FAM163A: variants seen among roughly 807,000 people sequenced by gnomAD.
FAM163A encodes protein FAM163A.
FAM163A carries 7 observed loss-of-function variants against 12.0 expected under a neutral mutation model. That is an observed-to-expected ratio of 0.58 (90% CI 0.33 to 1.10). The LOEUF (loss-of-function observed/expected upper bound fraction) is 1.10. Ranked by LOEUF, FAM163A falls within the 50% of genes least tolerant of loss-of-function variation. The pLI is 0.03. For synonymous variants in FAM163A, 101 were observed against 91.0 expected (o/e 1.11, Z -0.62); for missense variants, 202 against 218.6 (o/e 0.92, Z 0.48).
chr1:179,740,101 T>C (rs1358068716), upstream of FAM163A, among the ~76,000 whole-genome samples: 1 of 152,200 alleles, frequency 6.6e-6, no homozygotes, highest in East Asian at 1.9e-4. Flanking sequence ...TGGGCATTTA[T>C]CCCAGAGATA....
Position 179,813,891 on chromosome 1 carries a change from C to G in FAM163A, c.206C>G (p.Ala69Gly). 1 of 1,613,954 alleles carries G rather than the reference C, an allele frequency of 6.2e-7. No homozygotes were observed. Among genetic ancestry groups the G allele is most frequent in the South Asian group, 1.1e-5 (1 of 91,086 alleles). The change falls in exon 5 of 5, where the codon GCC becomes GGC. Residue 69 changes from alanine (A) to glycine (G), a missense_variant. Ala to Gly is a moderately conservative substitution (Grantham distance 60, BLOSUM62 0). Coordinates refer to ENST00000341785, the MANE Select transcript of FAM163A (RefSeq NM_173509.3). ...ACCTGCAATGCCTGCAGCTCCCAAG[C>G]CCTGGACGGCAGAGGCAGCCTGGCG... ...GPTCNACSSQ[A>G]LDGRGSLAPL... is the part of the protein sequence containing the mutation.
At position 179,815,095 on chromosome 1, in the gene FAM163A, ACG is replaced by A. The variant is rs3075114; in HGVS notation, c.*920_*921del. On this transcript the variant is annotated 3_prime_UTR_variant, in exon 5 of 5. Coordinates refer to ENST00000341785, the MANE Select transcript of FAM163A (RefSeq NM_173509.3). Reference sequence around the variant, plus strand: ...TGCATAACCGTTCCCAGGTGTACGCACGCGCGCGCGCGCGCACAGACACACAC... The same window carrying A: ...TGCATAACCGTTCCCAGGTGTACGCACGCGCGCGCGCGCACAGACACACAC... The A allele has an allele frequency of 0.05, 6,436 of 128,940 alleles. 192 individuals are homozygous for A. Among genetic ancestry groups the A allele is most frequent in the African/African-American group, 0.089 (2,456 of 27,528 alleles). The allele number at this position is 128,940 out of a possible 1,614,324, so 8.0% of individuals were successfully genotyped here.
chr1:179,736,556 T>C, the FAM163A span, among the ~76,000 whole-genome samples: 1 of 152,082 alleles, frequency 6.6e-6, no homozygotes, highest in Non-Finnish European at 1.5e-5. Context: ...ACTCCTGTAA[T>C]CCCAGCACTT....
chr1:179,773,369 A>C (rs1309962370), intron 1 of FAM163A, among the ~76,000 whole-genome samples: 3 of 152,184 alleles, frequency 2.0e-5, no homozygotes, highest in Non-Finnish European at 4.4e-5. Context: ...GCACACATGC[A>C]TATGTTCATG....
intron 1 of FAM163A, among the ~76,000 whole-genome samples, chr1:179,795,211 A>T (rs1214382546): frequency 6.6e-6 from 1 of 152,164 alleles, no homozygotes; most frequent in Non-Finnish European, 1.5e-5. Context: ...CATGCCTATA[A>T]CCCCAGCTAT....
chr1:179,813,847 C>T lies in FAM163A; in HGVS notation c.162C>T (p.Pro54=). 1 of 1,613,998 alleles carries T rather than the reference C, an allele frequency of 6.2e-7. No homozygotes were observed. Among genetic ancestry groups the T allele is most frequent in the African/African-American group, 1.3e-5 (1 of 75,050 alleles). ...DEEEEREHDL[P]THPRGPTCNA... The stretch of plus-strand genomic sequence containing the variant: ...AGGAGGAGCGGGAGCACGACCTTCC[C>T]ACGCATCCCAGAGGCCCCACCTGCA... Residue 54 remains proline (P), a synonymous_variant, in exon 5 of 5, where the codon CCC becomes CCT. Transcript: ENST00000341785.
At chr1:179,765,078 C>A (rs1031145975) in intron 1 of FAM163A, among the ~76,000 whole-genome samples, 3 of 152,200 alleles carry the variant, frequency 2.0e-5, no homozygotes, top group African/African-American at 7.2e-5. Flanking sequence ...AAATGCACTC[C>A]ACACGTTGTA....
intron 1 of FAM163A, among the ~76,000 whole-genome samples, chr1:179,766,752 TC>T (rs1001346285): frequency 1.4e-4 from 20 of 145,314 alleles, no homozygotes; most frequent in African/African-American, 4.9e-4. Flanking sequence ...TACTTTTCTT[TC>T]TTTTTTTTTT....
At chr1:179,756,527 C>A (rs1030501589) in intron 1 of FAM163A, among the ~76,000 whole-genome samples, 1 of 152,114 alleles carries the variant, frequency 6.6e-6, no homozygotes, top group Admixed American at 6.5e-5. Context: ...GGGGAAAGAG[C>A]AGGTAAATGC....
At chr1:179,782,873 C>T (rs1689988458) in intron 1 of FAM163A, among the ~76,000 whole-genome samples, 1 of 152,232 alleles carries the variant, frequency 6.6e-6, no homozygotes, top group South Asian at 2.1e-4. Context: ...TTTCTTCAAA[C>T]CGTGGTCACA....
At chr1:179,774,465 C>A (rs1211752086) in intron 1 of FAM163A, among the ~76,000 whole-genome samples, 2 of 152,156 alleles carry the variant, frequency 1.3e-5, no homozygotes, top group African/African-American at 4.8e-5. Context: ...GTGCTTTTTT[C>A]TCCGGGAAGA....
intron 1 of FAM163A, among the ~76,000 whole-genome samples, chr1:179,761,476 T>G (rs992299299): frequency 1.4e-4 from 22 of 152,176 alleles, no homozygotes; most frequent in Admixed American, 1.2e-3. Context: ...GTCCCGAAGA[T>G]GACAGGAGCC....
intron 1 of FAM163A, among the ~76,000 whole-genome samples, chr1:179,774,750 C>CA (rs958365232): frequency 1.3e-5 from 2 of 152,192 alleles, no homozygotes; most frequent in Non-Finnish European, 2.9e-5. Context: ...ACGGCCAGGA[C>CA]AGCCTGTTTC....
At chr1:179,801,817 G>T (rs1006932444) in intron 1 of FAM163A, among the ~76,000 whole-genome samples, 5 of 152,192 alleles carry the variant, frequency 3.3e-5, no homozygotes, top group African/African-American at 1.2e-4. Flanking sequence ...TCCAGAATGT[G>T]CAGATACCAG....
At chr1:179,752,476 C>G (rs899601542) in intron 1 of FAM163A, among the ~76,000 whole-genome samples, 31 of 127,988 alleles carry the variant, frequency 2.4e-4, no homozygotes, top group African/African-American at 8.9e-4. Flanking sequence ...TTTGTACAGC[C>G]AAAAAAAAAA....
rs189690579 is a variant in FAM163A at position 179,757,020 on chromosome 1, A to G, written c.-136+13597A>G. On this transcript the variant is annotated intron_variant, in intron 1 of 4. Transcript: ENST00000341785. Reference sequence around the variant, plus strand: ...AAGTAGAGACAGCAAGTTTACGCAAACATTAGAGAAATGTTGCTGTGATTG... The same window carrying G: ...AAGTAGAGACAGCAAGTTTACGCAAGCATTAGAGAAATGTTGCTGTGATTG... 2.6e-5 allele frequency among the ~76,000 whole-genome samples: 4 copies of G among 152,354 alleles called. No homozygotes were observed. In the East Asian group the frequency reaches 7.7e-4, roughly 29 times the overall value.
At chr1:179,804,780 A>C (rs1693686839) in intron 1 of FAM163A, among the ~76,000 whole-genome samples, 1 of 152,172 alleles carries the variant, frequency 6.6e-6, no homozygotes, top group African/African-American at 2.4e-5. Context: ...CAGAGAGGGA[A>C]TAATGCATAC....
chr1:179,756,477 A>G (rs1018529828), intron 1 of FAM163A, among the ~76,000 whole-genome samples: 1 of 152,220 alleles, frequency 6.6e-6, no homozygotes, highest in Non-Finnish European at 1.5e-5. Context: ...TGGTGGTGCC[A>G]TTAATTAAAC....
chr1:179,794,495 G>A (rs1461243051), intron 1 of FAM163A, among the ~76,000 whole-genome samples: 2 of 152,254 alleles, frequency 1.3e-5, no homozygotes, highest in Middle Eastern at 3.4e-3. Context: ...TAGCATCCTG[G>A]CATCTCTGTG....
Sources: allele counts gnomAD v4.1 joint callset (sites outside exome capture counted in the v4.1 genomes callset), GRCh38; gene constraint gnomAD v4.1.1; transcripts MANE v1.5; gene names NCBI Gene and HGNC (gene_info 2026-07-23, HGNC 2026-07-21).